The following ECM2 variants were observed in gnomAD, a reference collection of about 807,000 sequenced individuals.
The protein encoded by ECM2 is extracellular matrix protein 2, female organ and adipocyte specific.
In ECM2, 57 loss-of-function variants were observed where a neutral mutation model predicts 67.5. The ratio of observed to expected loss-of-function variants is 0.84; its 90% CI spans 0.68 to 1.05. The LOEUF (loss-of-function observed/expected upper bound fraction) is 1.05. ECM2 is among the 50% of genes least tolerant of loss of function. ECM2 has a pLI of 0.00. For missense variants in ECM2, 741 were observed against 822.8 expected, an observed-to-expected ratio of 0.90 and a Z score of 1.22; for synonymous variants, 258 against 294.5, an observed-to-expected ratio of 0.88 and a Z score of 1.27.
At chr9:92,536,869 A>ATTTTT (rs11459753), upstream of ECM2, among the ~76,000 whole-genome samples, 45 of 141,570 alleles carry the variant, frequency 3.2e-4, 1 homozygote, top group Middle Eastern at 7.4e-3. Flanking sequence ...TATTTTTTAA[A>ATTTTT]TTTTTTTTTT....
Position 92,514,274 on chromosome 9 carries a change from C to CT in ECM2, c.1054+356dup, listed in dbSNP as rs1044226766. 8.7e-3 allele frequency among the ~76,000 whole-genome samples: 1,143 copies of CT among 130,726 alleles called. 18 individuals are homozygous for CT. The highest frequency in any genetic ancestry group is 0.05 in the East Asian group (224 of 4,492). 85.8% of individuals were successfully genotyped at this position (130,726 alleles called of 152,430 possible). On this transcript the variant is annotated intron_variant, in intron 4 of 9. Coordinates refer to ENST00000344604, the MANE Select transcript of ECM2 (RefSeq NM_001393.4). The stretch of plus-strand genomic sequence containing the variant: ...ACTGCATGTGGCTTAGAGTCATTTA[C>CT]TTTTTTTTTTTTTTTTTTGAGATGG...
chr9:92,547,988 C>T, the ECM2 span, among the ~76,000 whole-genome samples: 1 of 152,262 alleles, frequency 6.6e-6, no homozygotes, highest in African/African-American at 2.4e-5. Context: ...GAAGGAAAAA[C>T]TGTTACTATT....
intron 2 of ECM2, among the ~76,000 whole-genome samples, chr9:92,522,109 C>T (rs377303731): frequency 9.9e-4 from 150 of 152,048 alleles, no homozygotes; most frequent in Non-Finnish European, 1.7e-3. Flanking sequence ...AATCTCGAGA[C>T]GGAGTCTTGC....
chr9:92,498,221 G>A (rs1390391924), intron 9 of ECM2, among the ~76,000 whole-genome samples: 2 of 152,012 alleles, frequency 1.3e-5, no homozygotes, highest in Non-Finnish European at 2.9e-5. Context: ...GCTTTTGTTT[G>A]CAAAAATAAA....
intron 1 of ECM2, among the ~76,000 whole-genome samples, chr9:92,535,589 A>C (rs12335553): frequency 0.46 from 70,415 of 151,920 alleles, 18,727 homozygotes; most frequent in African/African-American, 0.72. Flanking sequence ...TCTATTATCT[A>C]TTTTCACTTC....
At chr9:92,514,535 A>C in intron 4 of ECM2, 96 bp downstream of exon 4, 2 of 1,457,224 alleles carry the variant, frequency 1.4e-6, no homozygotes, top group Admixed American at 2.4e-5. Context: ...TCAGCCTTTC[A>C]AAGTGCTGAG....
chr9:92,543,264 G>T, the ECM2 span, among the ~76,000 whole-genome samples: 1 of 151,950 alleles, frequency 6.6e-6, no homozygotes, highest in Non-Finnish European at 1.5e-5. Flanking sequence ...TTGAGGTCAG[G>T]AGTTCAAGAC....
chr9:92,494,167 A>G, downstream of ECM2: 1 of 1,596,152 alleles, frequency 6.3e-7, no homozygotes, highest in Non-Finnish European at 8.5e-7. Flanking sequence ...AAGTCAGAGT[A>G]AGAAATGAAT....
rs1348684240 is a variant in ECM2, at chr9:92,515,020, T to C, written c.665A>G (p.Glu222Gly). The change falls in exon 4 of 10, where the codon GAA (glutamate) becomes GGA (glycine). Residue 222 changes from glutamate to glycine, a missense_variant. Physicochemically the swap from Glu to Gly is moderately conservative, Grantham distance 98. Coordinates refer to ENST00000344604, the MANE Select transcript of ECM2 (RefSeq NM_001393.4). ...GGTCTCTCTCTTTTGCTCTGTATCT[T>C]CTTCTTTCACTTCTTCATCCTCCTC... Reference protein sequence around the residue: ...QSEEDEEVKEEDTEQKRETPE... With the variant: ...QSEEDEEVKEGDTEQKRETPE... 5.6e-6 allele frequency: 9 copies of C among 1,614,040 alleles called. No individual in the cohort carries two copies. The South Asian group carries it at 9.9e-5, about 18-fold the overall frequency.
At chr9:92,543,721 T>C in the ECM2 span, among the ~76,000 whole-genome samples, 1 of 152,174 alleles carries the variant, frequency 6.6e-6, no homozygotes, top group African/African-American at 2.4e-5. Context: ...TTAAGTTTCT[T>C]TCATCAGCGA....
chr9:92,544,983 CAGAGT>C, the ECM2 span, among the ~76,000 whole-genome samples: 16 of 152,182 alleles, frequency 1.1e-4, no homozygotes, highest in Admixed American at 1.0e-3. Context: ...CAGCCCGCTC[CAGAGT>C]GCTGGGATTA....
At chr9:92,500,031 G>C (rs1846575838) in intron 9 of ECM2, among the ~76,000 whole-genome samples, 1 of 152,138 alleles carries the variant, frequency 6.6e-6, no homozygotes, top group Non-Finnish European at 1.5e-5. Flanking sequence ...AAACTAGATA[G>C]AAGCAGTTTT....
chr9:92,532,112 C>T (rs969123209), intron 1 of ECM2, among the ~76,000 whole-genome samples: 1 of 145,792 alleles, frequency 6.9e-6, no homozygotes, highest in South Asian at 2.1e-4. Context: ...CCACCTGACT[C>T]AACCTTTCGA....
the ECM2 span, among the ~76,000 whole-genome samples, chr9:92,551,936 T>TG: frequency 1.0e-5 from 1 of 97,874 alleles, no homozygotes; most frequent in African/African-American, 6.9e-5. Context: ...TATATATATA[T>TG]ATATATATAT....
intron 1 of ECM2, among the ~76,000 whole-genome samples, chr9:92,532,462 C>T (rs1848858572): frequency 1.3e-5 from 2 of 152,094 alleles, no homozygotes; most frequent in African/African-American, 2.4e-5. Flanking sequence ...TCTATAACTA[C>T]AGGTACTTGC....
chr9:92,532,157 G>A (rs1322493538), intron 1 of ECM2, among the ~76,000 whole-genome samples: 1 of 150,104 alleles, frequency 6.7e-6, no homozygotes, highest in East Asian at 1.9e-4. Flanking sequence ...TACCACACCC[G>A]GCTCGAAGAT....
In ECM2 at chr9:92,526,403, C is replaced by CACCAA. The variant is rs537908076; in HGVS notation, c.-27-3515_-27-3511dup. 9.2e-5 allele frequency among the ~76,000 whole-genome samples: 14 copies of CACCAA among 152,120 alleles called. No homozygotes were observed. The South Asian group carries it at 1.5e-3, about 16-fold the overall frequency. ...AACAAATGAAGATGAAAACACAGCA[C>CACCAA]ACCAAAACCTATGGGATACAGCAAA... On this transcript the variant is annotated intron_variant, in intron 1 of 9. Transcript: ENST00000344604.
Position 92,517,861 on chromosome 9 carries a change from A to G in ECM2, c.307T>C (p.Cys103Arg), listed in dbSNP as rs1295926203. ...TACATGGTTATGCCCTTTACCAAAC[A>G]GTGTCCCTTCTTTCCTAGAAGAAAA... The part of the protein sequence containing the change: ...YNVLPGKKGH[C>R]LVKGITMYNK... Residue 103 changes from cysteine (C) to arginine (R), a missense_variant, in exon 3 of 10, where the codon TGT becomes CGT. Cys to Arg is a radical substitution (Grantham distance 180, BLOSUM62 -3). Coordinates refer to ENST00000344604, the MANE Select transcript of ECM2 (RefSeq NM_001393.4). 1 of 1,614,160 alleles carries G rather than the reference A, an allele frequency of 6.2e-7. No individual in the cohort carries two copies. The highest frequency in any genetic ancestry group is 1.1e-5 in the South Asian group (1 of 91,050).
In ECM2 at chr9:92,523,183, C is replaced by T. The variant is rs1177634463; in HGVS notation, c.-27-290G>A. On this transcript the variant is annotated intron_variant, in intron 1 of 9. Transcript: ENST00000344604. ...GCAGCCTTGAACTCCTGGGCTCAAGCAGTCCTCCTGCATTGGCCTCCCAAA... is the reference window on the plus strand; with the variant it reads ...GCAGCCTTGAACTCCTGGGCTCAAGTAGTCCTCCTGCATTGGCCTCCCAAA... 2.6e-5 allele frequency among the ~76,000 whole-genome samples: 4 copies of T among 152,048 alleles called. No homozygotes were observed. In the South Asian group the frequency reaches 6.2e-4, roughly 24 times the overall value.
Sources: gnomAD v4.1 joint callset for allele counts (sites outside exome capture counted in the v4.1 genomes callset) on GRCh38, gnomAD v4.1.1 for gene constraint, MANE v1.5 for transcripts, NCBI Gene and HGNC (gene_info 2026-07-23, HGNC 2026-07-21) for gene names.